DPP6: variants seen among roughly 807,000 people sequenced by gnomAD.
DPP6 encodes dipeptidyl peptidase like 6, also known as A-type potassium channel modulatory protein DPP6.
A neutral mutation model predicts 122.6 loss-of-function variants in DPP6; 69 were observed. The observed-to-expected ratio is 0.56, with a 90% confidence interval of 0.46 to 0.69. The LOEUF (loss-of-function observed/expected upper bound fraction) is 0.69, where lower values mean the gene tolerates loss of function less well. Ranked by LOEUF, DPP6 falls within the 30% of genes least tolerant of loss-of-function variation. The probability of loss-of-function intolerance (pLI) is 0.00; values close to 1 mark genes in which losing one functional copy is unlikely to be tolerated. For synonymous variants in DPP6, 418 were observed against 433.1 expected (o/e 0.97, Z 0.43); for missense variants, 928 against 1,116.9 (o/e 0.83, Z 2.41).
At chr7:154,180,876 A>G (rs1798049889) in intron 1 of DPP6, among the ~76,000 whole-genome samples, 1 of 152,178 alleles carries the variant, frequency 6.6e-6, no homozygotes, top group Admixed American at 6.5e-5. Context: ...ACATTAATTC[A>G]AGTTCACATT....
At chr7:154,237,104 A>G (rs1437138122) in intron 1 of DPP6, among the ~76,000 whole-genome samples, 1 of 152,224 alleles carries the variant, frequency 6.6e-6, no homozygotes, top group Admixed American at 6.5e-5. Context: ...GGGAAGGCCC[A>G]TACCTTGAGA....
intron 2 of DPP6, among the ~76,000 whole-genome samples, chr7:154,454,765 C>T (rs1291058862): frequency 6.6e-6 from 1 of 152,110 alleles, no homozygotes; most frequent in Non-Finnish European, 1.5e-5. Flanking sequence ...GTCATCTTAT[C>T]GTTGGAAGGA....
intron 1 of DPP6, among the ~76,000 whole-genome samples, chr7:154,202,267 C>T (rs1799214661): frequency 6.6e-6 from 1 of 152,074 alleles, no homozygotes; most frequent in Non-Finnish European, 1.5e-5. Flanking sequence ...AGTCAGTTAA[C>T]AGCAATGCAC....
chr7:153,997,925 G>C (rs1797521033), intron 1 of DPP6, among the ~76,000 whole-genome samples: 1 of 151,692 alleles, frequency 6.6e-6, no homozygotes, highest in Non-Finnish European at 1.5e-5. Flanking sequence ...GAGTGATGAG[G>C]AGTGTTGATT....
intron 3 of DPP6, among the ~76,000 whole-genome samples, chr7:154,524,325 G>A (rs1827234646): frequency 6.6e-6 from 1 of 152,180 alleles, no homozygotes; most frequent in Non-Finnish European, 1.5e-5. Context: ...TGACCATGGA[G>A]AGCCCCTCCA....
intron 6 of DPP6, among the ~76,000 whole-genome samples, chr7:154,645,270 TTAGCCAGGATGGTCTCGATC>T (rs1836389295): frequency 6.6e-6 from 1 of 151,908 alleles, no homozygotes; most frequent in African/African-American, 2.4e-5. Context: ...TTTCACCGTG[TTAGCCAGGATGGTCTCGATC>T]TCCTGACCTC....
At chr7:153,893,315 C>A (rs1228944396) in intron 1 of DPP6, among the ~76,000 whole-genome samples, 1 of 152,236 alleles carries the variant, frequency 6.6e-6, no homozygotes, top group Non-Finnish European at 1.5e-5. Context: ...CTAACTTGAT[C>A]ATCATTTGGA....
chr7:154,794,339 C>A, intron 11 of DPP6, 137 bp downstream of exon 11: 1 of 1,359,416 alleles, frequency 7.4e-7, no homozygotes, highest in Non-Finnish European at 9.6e-7. Context: ...GGGGAGCCCG[C>A]GGCGCAGAGT....
At chr7:154,545,103 A>G (rs1174432709) in intron 4 of DPP6, among the ~76,000 whole-genome samples, 1 of 152,150 alleles carries the variant, frequency 6.6e-6, no homozygotes, top group Non-Finnish European at 1.5e-5. Flanking sequence ...AATCAAACCT[A>G]AGCTCACTTT....
At chr7:154,752,848 C>T (rs1232259268) in intron 8 of DPP6, among the ~76,000 whole-genome samples, 1 of 152,176 alleles carries the variant, frequency 6.6e-6, no homozygotes, top group East Asian at 1.9e-4. Flanking sequence ...TACCCAGTGC[C>T]ATGTTAAGAC....
At chr7:154,567,472 C>A (rs1830832061) in intron 5 of DPP6, among the ~76,000 whole-genome samples, 2 of 152,116 alleles carry the variant, frequency 1.3e-5, no homozygotes, top group African/African-American at 4.8e-5. Flanking sequence ...ACTTCCTAGG[C>A]CAGGATCTTC....
At chr7:154,213,069 G>A (rs1023747345) in intron 1 of DPP6, among the ~76,000 whole-genome samples, 2 of 152,158 alleles carry the variant, frequency 1.3e-5, no homozygotes, top group African/African-American at 2.4e-5. Context: ...TGCTGCTCTC[G>A]AAGGGCTGTG....
At position 154,299,635 on chromosome 7, in the gene DPP6, T is replaced by A. The variant is rs145212576; in HGVS notation, c.244-146579T>A. ...TTAGGGGATTGTAAGTTAGAAGAAG[T>A]GACTTCTCTTGCAGATGGCAAAGAC... On this transcript the variant is annotated intron_variant, in intron 1 of 25. Transcript: ENST00000377770. Among the ~76,000 whole-genome samples, 151 of 152,292 alleles carry A rather than the reference T, an allele frequency of 9.9e-4. 1 individual carries two copies. Among genetic ancestry groups the A allele is most frequent in the African/African-American group, 3.3e-3 (139 of 41,560 alleles).
Position 154,629,939 on chromosome 7 carries a change from AAG to A in DPP6, c.628-7879_628-7878del, listed in dbSNP as rs563246485. ...CAAGAGCCCCAGAGAGTAGAAAAGTAAGAGTTTCGTGGACTCTACACAATGCT... is the reference window on the plus strand; with the variant it reads ...CAAGAGCCCCAGAGAGTAGAAAAGTAAGTTTCGTGGACTCTACACAATGCT... On this transcript the variant is annotated intron_variant, in intron 5 of 25. Coordinates refer to ENST00000377770, the MANE Select transcript of DPP6 (RefSeq NM_130797.4). 3.0e-4 allele frequency among the ~76,000 whole-genome samples: 45 copies of A among 152,340 alleles called. 1 individual carries two copies. The South Asian group carries it at 9.1e-3, about 31-fold the overall frequency.
chr7:153,770,320 T>G, the DPP6 span, among the ~76,000 whole-genome samples: 1 of 152,024 alleles, frequency 6.6e-6, no homozygotes, highest in Non-Finnish European at 1.5e-5. Context: ...GAAGGGGCAC[T>G]CCTCAAAGCC....
intron 1 of DPP6, among the ~76,000 whole-genome samples, chr7:154,274,494 C>T (rs1294075486): frequency 6.6e-6 from 1 of 152,136 alleles, no homozygotes; most frequent in African/African-American, 2.4e-5. Flanking sequence ...GGCCACTGAC[C>T]ACGCTAACAC....
the DPP6 span, among the ~76,000 whole-genome samples, chr7:153,857,322 T>TCTC: frequency 1.6e-4 from 20 of 124,478 alleles, no homozygotes; most frequent in East Asian, 9.1e-4. Flanking sequence ...CTCAAAGGTT[T>TCTC]TCTCTCTCTC....
chr7:153,770,537 GAAAA>G, the DPP6 span, among the ~76,000 whole-genome samples: 1 of 148,864 alleles, frequency 6.7e-6, no homozygotes, highest in Non-Finnish European at 1.5e-5. Context: ...CAAGGAGAAG[GAAAA>G]AAAAAGCCAA....
chr7:153,918,177 G>T (rs1800409886), intron 1 of DPP6, among the ~76,000 whole-genome samples: 1 of 152,108 alleles, frequency 6.6e-6, no homozygotes, highest in African/African-American at 2.4e-5. Flanking sequence ...AGTCATAAAT[G>T]ATGGCGTCTT....
Sources: allele counts gnomAD v4.1 joint callset (sites outside exome capture counted in the v4.1 genomes callset), GRCh38; gene constraint gnomAD v4.1.1; transcripts MANE v1.5; gene names NCBI Gene and HGNC (gene_info 2026-07-23, HGNC 2026-07-21).